The following WLS variants were observed in gnomAD, a reference collection of about 807,000 sequenced individuals.
WLS encodes protein wntless homolog.
Under a neutral mutation model 62.8 loss-of-function variants are expected in WLS, and 23 were observed. The observed-to-expected ratio is 0.37, with a 90% CI of 0.26 to 0.52. The LOEUF is 0.52. Among genes scored for constraint, WLS ranks in the 20% least tolerant of loss-of-function variants. The pLI is 0.92. For synonymous variants in WLS, 246 were observed against 244.1 expected, an observed-to-expected ratio of 1.01 and a Z score of -0.07; for missense variants, 615 against 697.3, an observed-to-expected ratio of 0.88 and a Z score of 1.33.
chr1:68,189,942 G>T (rs2100592148), intron 2 of WLS, among the ~76,000 whole-genome samples: 1 of 152,314 alleles, frequency 6.6e-6, no homozygotes, highest in East Asian at 1.9e-4. Flanking sequence ...CCAGGAGGCA[G>T]AGATTGCCGT....
chr1:68,215,584 T>C (rs150213171), intron 1 of WLS, among the ~76,000 whole-genome samples: 128 of 152,214 alleles, frequency 8.4e-4, no homozygotes, highest in African/African-American at 2.9e-3. Context: ...CAAAAGTGAA[T>C]TTACTAAGGA....
At chr1:68,116,559 C>A (rs1646294319) in intron 11 of WLS, among the ~76,000 whole-genome samples, 1 of 152,102 alleles carries the variant, frequency 6.6e-6, no homozygotes, top group Non-Finnish European at 1.5e-5. Flanking sequence ...AACAATTGTG[C>A]CTACCTCATA....
chr1:68,154,090 A>G (rs1646863966), intron 4 of WLS, among the ~76,000 whole-genome samples: 3 of 152,206 alleles, frequency 2.0e-5, no homozygotes, highest in African/African-American at 7.2e-5. Flanking sequence ...TAGGGCATAC[A>G]GGGTGTATGA....
At chr1:68,201,525 T>C (rs902416102) in intron 1 of WLS, among the ~76,000 whole-genome samples, 2 of 152,234 alleles carry the variant, frequency 1.3e-5, no homozygotes, top group Non-Finnish European at 2.9e-5. Flanking sequence ...TATTTCACAA[T>C]TCAATCTCAA....
chr1:68,215,999 A>T (rs1232555827), intron 1 of WLS, among the ~76,000 whole-genome samples: 2 of 152,216 alleles, frequency 1.3e-5, no homozygotes, highest in Non-Finnish European at 2.9e-5. Context: ...TTGAATAAAT[A>T]TGTAAAGAGA....
At chr1:68,173,978 A>C (rs1303837808) in intron 2 of WLS, among the ~76,000 whole-genome samples, 4 of 152,232 alleles carry the variant, frequency 2.6e-5, no homozygotes, top group Admixed American at 2.6e-4. Context: ...TGCATCATTA[A>C]GGGGCAGAAA....
chr1:68,157,236 C>A (rs1308221123), intron 3 of WLS, among the ~76,000 whole-genome samples: 2 of 152,220 alleles, frequency 1.3e-5, no homozygotes, highest in East Asian at 1.9e-4. Flanking sequence ...GTAAGATGAT[C>A]TCCAGGGTCA....
chr1:68,138,817 A>G (rs1411904295), intron 10 of WLS, among the ~76,000 whole-genome samples: 3 of 152,220 alleles, frequency 2.0e-5, no homozygotes, highest in Non-Finnish European at 4.4e-5. Context: ...GAAATAGAAG[A>G]AAGTATTGGG....
intron 11 of WLS, among the ~76,000 whole-genome samples, chr1:68,103,246 C>T (rs1320254547): frequency 6.6e-6 from 1 of 152,220 alleles, no homozygotes; most frequent in African/African-American, 2.4e-5. Context: ...TATGTTTAAT[C>T]TGTAAATCCT....
intron 11 of WLS, chr1:68,098,899 T>C: frequency 8.0e-7 from 1 of 1,245,436 alleles, no homozygotes; most frequent in Non-Finnish European, 1.1e-6. Flanking sequence ...TGTTTAGGAC[T>C]GTGTCCTTCA....
exon 12 of WLS, chr1:68,098,594 C>A: frequency 1.9e-6 from 3 of 1,608,432 alleles, no homozygotes; most frequent in Non-Finnish European, 2.6e-6. Flanking sequence ...GTGACAACTG[C>A]AAATGCAAAG....
chr1:68,115,003 A>C (rs764962648), intron 11 of WLS, among the ~76,000 whole-genome samples: 2 of 152,176 alleles, frequency 1.3e-5, no homozygotes, highest in Non-Finnish European at 2.9e-5. Flanking sequence ...TTGGATTATA[A>C]GGCCTGGGAT....
chr1:68,204,991 T>C (rs1433277317), intron 1 of WLS, among the ~76,000 whole-genome samples: 2 of 152,272 alleles, frequency 1.3e-5, no homozygotes, highest in African/African-American at 4.8e-5. Flanking sequence ...ATTTATTATA[T>C]GGCTTTTGTG....
intron 11 of WLS, among the ~76,000 whole-genome samples, chr1:68,128,464 A>G (rs1278579675): frequency 1.3e-5 from 2 of 152,218 alleles, no homozygotes; most frequent in Non-Finnish European, 2.9e-5. Flanking sequence ...AATTTCAAAG[A>G]GTCCTGACCA....
intron 2 of WLS, among the ~76,000 whole-genome samples, chr1:68,161,421 T>C (rs983669088): frequency 3.9e-5 from 6 of 152,244 alleles, no homozygotes; most frequent in Non-Finnish European, 7.3e-5. Flanking sequence ...GATGCAACAT[T>C]GTAGAGCAGG....
intron 1 of WLS, among the ~76,000 whole-genome samples, chr1:68,225,889 G>A (rs1650120668): frequency 1.3e-5 from 2 of 152,062 alleles, no homozygotes; most frequent in South Asian, 4.1e-4. Context: ...AAATAAAATT[G>A]AGTAATATTC....
intron 11 of WLS, among the ~76,000 whole-genome samples, chr1:68,137,496 T>A (rs539853088): frequency 6.6e-6 from 1 of 152,170 alleles, no homozygotes; most frequent in Non-Finnish European, 1.5e-5. Context: ...AAGAAGAAAA[T>A]TTGACTCTTG....
intron 11 of WLS, among the ~76,000 whole-genome samples, chr1:68,119,017 G>T (rs1646332251): frequency 6.7e-6 from 1 of 149,788 alleles, no homozygotes; most frequent in South Asian, 2.1e-4. Context: ...GTACAAAAAA[G>T]ATTTATATCC....
At chr1:68,098,579 T>A in exon 12 of WLS, 4 of 1,603,852 alleles carry the variant, frequency 2.5e-6, no homozygotes, top group Non-Finnish European at 3.4e-6. Context: ...ACAATCAATG[T>A]GACTGTGACA....
Sources: allele counts gnomAD v4.1 joint callset (sites outside exome capture counted in the v4.1 genomes callset), GRCh38; gene constraint gnomAD v4.1.1; transcripts MANE v1.5; gene names NCBI Gene and HGNC (gene_info 2026-07-23, HGNC 2026-07-21).